The following PHACTR1 variants were observed in gnomAD, a reference collection of about 807,000 sequenced individuals.
PHACTR1 encodes the protein RPEL repeat containing 1.
A neutral mutation model predicts 69.2 loss-of-function variants in PHACTR1; 16 were observed. That is an observed-to-expected ratio of 0.23 (90% confidence interval 0.16 to 0.35). The LOEUF is 0.35. Ranked by LOEUF, PHACTR1 falls within the 10% of genes least tolerant of loss-of-function variation. The pLI is 1.00. For missense variants in PHACTR1, 510 were observed against 734.7 expected, an observed-to-expected ratio of 0.69 and a Z score of 3.54; for synonymous variants, 312 against 284.5, an observed-to-expected ratio of 1.10 and a Z score of -0.97.
intron 5 of PHACTR1, among the ~76,000 whole-genome samples, chr6:13,142,913 T>G (rs913493249): frequency 6.6e-6 from 1 of 152,114 alleles, no homozygotes; most frequent in Non-Finnish European, 1.5e-5. Flanking sequence ...AAAAGAAAAC[T>G]TTAGGCCCAG....
At chr6:12,844,573 C>T (rs2127747401) in intron 4 of PHACTR1, among the ~76,000 whole-genome samples, 1 of 152,184 alleles carries the variant, frequency 6.6e-6, no homozygotes, top group African/African-American at 2.4e-5. Flanking sequence ...AAACCAGTTC[C>T]TTGCTCTAGG....
chr6:12,921,044 G>A (rs1335690043), intron 4 of PHACTR1, among the ~76,000 whole-genome samples: 1 of 152,196 alleles, frequency 6.6e-6, no homozygotes, highest in African/African-American at 2.4e-5. Flanking sequence ...TTCAGAGCTA[G>A]GACTAGGGTG....
intron 4 of PHACTR1, among the ~76,000 whole-genome samples, chr6:12,794,137 A>T (rs1772683717): frequency 6.6e-6 from 1 of 152,244 alleles, no homozygotes; most frequent in African/African-American, 2.4e-5. Context: ...ACAAAATGGA[A>T]CATAATCCAT....
At chr6:13,021,314 G>T (rs570567948) in intron 4 of PHACTR1, among the ~76,000 whole-genome samples, 3 of 152,274 alleles carry the variant, frequency 2.0e-5, no homozygotes, top group Admixed American at 2.0e-4. Flanking sequence ...ACTTAGCACA[G>T]TGTTTTCAAA....
chr6:13,207,621 G>T (rs556493786), intron 8 of PHACTR1, among the ~76,000 whole-genome samples: 149 of 152,168 alleles, frequency 9.8e-4, no homozygotes, highest in African/African-American at 3.5e-3. Context: ...TTCAAACACC[G>T]CCACCTACCT....
At chr6:12,785,580 G>A (rs1771443438) in intron 4 of PHACTR1, among the ~76,000 whole-genome samples, 1 of 152,172 alleles carries the variant, frequency 6.6e-6, no homozygotes. Context: ...TTGTGTTGAA[G>A]CAAAAGTAGT....
chr6:12,789,647 C>T lies in PHACTR1; in HGVS notation c.250+39857C>T, dbSNP rs1438453570. 3.3e-5 allele frequency among the ~76,000 whole-genome samples: 5 copies of T among 152,226 alleles called. No individual in the cohort carries two copies. In the East Asian group the frequency reaches 7.7e-4, roughly 23 times the overall value. ...ACTCTTCATTCCCACCATAATTTGC[C>T]CCACCCTCAGGTTTCCCATCCCAGT... On this transcript the variant is annotated intron_variant, in intron 4 of 14. Transcript: ENST00000332995.
intron 6 of PHACTR1, among the ~76,000 whole-genome samples, chr6:13,169,565 C>T (rs917952518): frequency 6.6e-6 from 1 of 151,832 alleles, no homozygotes; most frequent in Non-Finnish European, 1.5e-5. Flanking sequence ...AAGAAGTGGT[C>T]AAAAAATAGG....
At chr6:12,753,185 A>C (rs771643616) in intron 4 of PHACTR1, among the ~76,000 whole-genome samples, 3 of 152,254 alleles carry the variant, frequency 2.0e-5, no homozygotes, top group Non-Finnish European at 4.4e-5. Context: ...ATTCTCACTT[A>C]GAATGAACCC....
At chr6:13,224,834 C>G (rs556868733) in intron 8 of PHACTR1, among the ~76,000 whole-genome samples, 1 of 152,318 alleles carries the variant, frequency 6.6e-6, no homozygotes, top group East Asian at 1.9e-4. Flanking sequence ...TTTTAGAAAG[C>G]CGCTCCGACA....
chr6:13,264,616 G>A (rs1472277142), intron 10 of PHACTR1, among the ~76,000 whole-genome samples: 1 of 152,218 alleles, frequency 6.6e-6, no homozygotes, highest in African/African-American at 2.4e-5. Context: ...CTACTCGGGA[G>A]GCTGAGGCAG....
chr6:13,046,155 G>T (rs1804997680), intron 4 of PHACTR1, among the ~76,000 whole-genome samples: 2 of 152,158 alleles, frequency 1.3e-5, no homozygotes, highest in South Asian at 4.1e-4. Context: ...GGTTGCATCT[G>T]GGGTGTGGGT....
chr6:13,233,486 T>C (rs972086613), intron 10 of PHACTR1, among the ~76,000 whole-genome samples: 3 of 152,164 alleles, frequency 2.0e-5, no homozygotes, highest in African/African-American at 7.2e-5. Context: ...TGACTCACAG[T>C]TTCCCATGGC....
chr6:12,818,430 C>T lies in PHACTR1; in HGVS notation c.250+68640C>T, dbSNP rs150915153. 1.1e-3 allele frequency among the ~76,000 whole-genome samples: 170 copies of T among 152,258 alleles called. 2 individuals are homozygous for T. Among genetic ancestry groups the T allele is most frequent in the African/African-American group, 4.0e-3 (168 of 41,558 alleles). The stretch of plus-strand genomic sequence containing the variant: ...TCATATGATGGCAAAAGAGTTCTAG[C>T]AGCTACAGAGGGCAAACTCCAGTAG... On this transcript the variant is annotated intron_variant, in intron 4 of 14. Coordinates refer to ENST00000332995, the MANE Select transcript of PHACTR1 (RefSeq NM_030948.6).
intron 4 of PHACTR1, among the ~76,000 whole-genome samples, chr6:12,753,100 A>G (rs1266303409): frequency 6.6e-6 from 1 of 152,254 alleles, no homozygotes; most frequent in Non-Finnish European, 1.5e-5. Flanking sequence ...CCCCTAAGGA[A>G]TTCAAATGTG....
intron 5 of PHACTR1, among the ~76,000 whole-genome samples, chr6:13,057,653 T>C (rs1807008915): frequency 6.6e-6 from 1 of 152,216 alleles, no homozygotes; most frequent in African/African-American, 2.4e-5. Context: ...TATTTGATAG[T>C]AGATAGTGTA....
intron 5 of PHACTR1, among the ~76,000 whole-genome samples, chr6:13,145,633 C>T (rs1330659985): frequency 2.0e-5 from 3 of 152,164 alleles, no homozygotes; most frequent in Non-Finnish European, 4.4e-5. Flanking sequence ...GATCCCTGAT[C>T]TGATAGAATT....
intron 8 of PHACTR1, among the ~76,000 whole-genome samples, chr6:13,221,984 G>A (rs1373963246): frequency 1.3e-5 from 2 of 151,574 alleles, no homozygotes; most frequent in Non-Finnish European, 2.9e-5. Flanking sequence ...GCAGTGAGCC[G>A]AGATCACGCC....
chr6:13,257,904 C>G (rs1269743322), intron 10 of PHACTR1, among the ~76,000 whole-genome samples: 2 of 152,112 alleles, frequency 1.3e-5, no homozygotes, highest in African/African-American at 4.8e-5. Context: ...CACTCTCAGA[C>G]CTTCTGATTC....
Sources: gnomAD v4.1 joint callset for allele counts (sites outside exome capture counted in the v4.1 genomes callset) on GRCh38, gnomAD v4.1.1 for gene constraint, MANE v1.5 for transcripts, NCBI Gene and HGNC (gene_info 2026-07-23, HGNC 2026-07-21) for gene names.